The following SH3KBP1 variants were observed in gnomAD, a reference collection of about 807,000 sequenced individuals.
The protein encoded by SH3KBP1 is SH3 domain containing kinase binding protein 1, also known as SH3 domain-containing kinase-binding protein 1.
Under a neutral mutation model 50.1 loss-of-function variants are expected in SH3KBP1, and 8 were observed. That is an observed-to-expected ratio of 0.16 (90% CI 0.09 to 0.29). The LOEUF is 0.29. Ranked by LOEUF, SH3KBP1 falls within the 10% of genes least tolerant of loss-of-function variation. The pLI, the probability that SH3KBP1 is intolerant of heterozygous loss-of-function variation, is 1.00. For missense variants in SH3KBP1, 377 were observed against 535.2 expected (o/e 0.70, Z 2.92); for synonymous variants, 227 against 218.6 (o/e 1.04, Z -0.34).
intron 2 of SH3KBP1, among the ~76,000 whole-genome samples, chrX:19,770,063 G>A (rs959223519): frequency 1.8e-5 from 2 of 111,967 alleles, no homozygotes; most frequent in South Asian, 3.7e-4. Flanking sequence ...ACAGACATAC[G>A]AAAATAATGT....
intron 2 of SH3KBP1, among the ~76,000 whole-genome samples, chrX:19,821,206 C>G (rs1180259606): frequency 2.7e-5 from 3 of 111,832 alleles, no homozygotes; most frequent in African/African-American, 9.7e-5. Context: ...GCCTGGCCAT[C>G]ATGGTGAAAC....
chrX:19,685,728 C>T (rs949167367), intron 5 of SH3KBP1, among the ~76,000 whole-genome samples: 1 of 111,371 alleles, frequency 9.0e-6, no homozygotes, highest in Non-Finnish European at 1.9e-5. Flanking sequence ...CTCATTTTGC[C>T]GTATGGATTC....
At chrX:19,759,019 TAGAA>T (rs1198538714) in intron 2 of SH3KBP1, among the ~76,000 whole-genome samples, 1 of 112,287 alleles carries the variant, frequency 8.9e-6, no homozygotes, top group Non-Finnish European at 1.9e-5. Context: ...ATATTTTAAA[TAGAA>T]AAAGAAACAG....
chrX:19,559,034 G>C (rs2065581360), intron 13 of SH3KBP1, among the ~76,000 whole-genome samples: 1 of 109,629 alleles, frequency 9.1e-6, no homozygotes, highest in Admixed American at 9.7e-5. Flanking sequence ...TTGGGAGGTC[G>C]AGGCGGGTGG....
At chrX:19,875,687 G>T (rs1051457337) in intron 1 of SH3KBP1, among the ~76,000 whole-genome samples, 1 of 112,765 alleles carries the variant, frequency 8.9e-6, no homozygotes, top group African/African-American at 3.2e-5. Context: ...GGGTGGAGGT[G>T]GGAGGAGACA....
At chrX:19,778,513 C>T (rs1211774372) in intron 2 of SH3KBP1, among the ~76,000 whole-genome samples, 2 of 110,063 alleles carry the variant, frequency 1.8e-5, no homozygotes, top group Non-Finnish European at 3.8e-5. Flanking sequence ...TCCTCCTTGA[C>T]CTAAGGAGCC....
chrX:19,874,048 CAAAAAAAAA>C (rs55948760), intron 1 of SH3KBP1, among the ~76,000 whole-genome samples: 1 of 26,294 alleles, frequency 3.8e-5, no homozygotes. Context: ...GAGTCCATCT[CAAAAAAAAA>C]AAAAAAAAAA....
intron 11 of SH3KBP1, among the ~76,000 whole-genome samples, chrX:19,589,300 G>A (rs190502062): frequency 8.9e-6 from 1 of 112,266 alleles, no homozygotes; most frequent in African/African-American, 3.2e-5. Flanking sequence ...TGCTGGCATG[G>A]AGTCAGGGCT....
intron 5 of SH3KBP1, among the ~76,000 whole-genome samples, chrX:19,693,298 C>T (rs775464306): frequency 1.4e-4 from 16 of 110,370 alleles, no homozygotes; most frequent in South Asian, 3.9e-4. Context: ...CAATGGGGTG[C>T]CAATAAAGAC....
At chrX:19,869,394 G>A (rs2068979294) in intron 1 of SH3KBP1, among the ~76,000 whole-genome samples, 1 of 112,151 alleles carries the variant, frequency 8.9e-6, no homozygotes, top group African/African-American at 3.2e-5. Flanking sequence ...TGGGGTGTGG[G>A]TGGAAGTGAT....
intron 2 of SH3KBP1, among the ~76,000 whole-genome samples, chrX:19,809,449 G>A (rs764707827): frequency 2.7e-5 from 3 of 110,196 alleles, no homozygotes; most frequent in African/African-American, 6.6e-5. Context: ...ACTTGAACCC[G>A]GGAGGCGGAG....
intron 10 of SH3KBP1, among the ~76,000 whole-genome samples, chrX:19,593,509 G>A (rs778410139): frequency 5.4e-5 from 6 of 110,487 alleles, no homozygotes; most frequent in Non-Finnish European, 1.1e-4. Context: ...CAGTTCCCAC[G>A]ATCATTCAGG....
At chrX:19,544,173 C>T (rs1175815739) in intron 15 of SH3KBP1, among the ~76,000 whole-genome samples, 12 of 110,717 alleles carry the variant, frequency 1.1e-4, no homozygotes, top group Middle Eastern at 9.3e-3. Flanking sequence ...CCTCTCTGCT[C>T]GCCTTTTTTC....
intron 2 of SH3KBP1, among the ~76,000 whole-genome samples, chrX:19,800,845 A>G (rs1247331326): frequency 8.9e-6 from 1 of 112,031 alleles, no homozygotes; most frequent in Non-Finnish European, 1.9e-5. Context: ...CTTCCCCCAG[A>G]TAACAAGTTC....
rs2068488273 is a variant in SH3KBP1 at position 19,850,840 on chromosome X, C to T, written c.5-14558G>A. Among the ~76,000 whole-genome samples, 3 of 110,369 alleles carry T rather than the reference C, an allele frequency of 2.7e-5. No individual in the cohort carries two copies. The South Asian group carries it at 1.2e-3, about 44-fold the overall frequency. On this transcript the variant is annotated intron_variant, in intron 1 of 17. Coordinates refer to ENST00000397821, the MANE Select transcript of SH3KBP1 (RefSeq NM_031892.3). ...TGGTACTCCACATACCCTCACTACT[C>T]AGAGGCATCCCCCAGCCTCCCCGAG...
At chrX:19,835,598 T>G (rs1441118673) in intron 2 of SH3KBP1, among the ~76,000 whole-genome samples, 1 of 102,222 alleles carries the variant, frequency 9.8e-6, no homozygotes, top group Non-Finnish European at 2.0e-5. Flanking sequence ...TTTTTTTTTT[T>G]GAGACAGTCT....
At chrX:19,669,322 A>ATTATT (rs1569405521) in intron 6 of SH3KBP1, among the ~76,000 whole-genome samples, 2 of 98,653 alleles carry the variant, frequency 2.0e-5, no homozygotes, top group African/African-American at 8.6e-5. Context: ...TAATAATAAT[A>ATTATT]ATAATTATTA....
intron 1 of SH3KBP1, among the ~76,000 whole-genome samples, chrX:19,854,636 G>A (rs1435106721): frequency 9.0e-6 from 1 of 111,353 alleles, no homozygotes; most frequent in African/African-American, 3.3e-5. Flanking sequence ...CTCAAAGGCC[G>A]CTTCAATATG....
chrX:19,783,057 G>A (rs2066231438), intron 2 of SH3KBP1, among the ~76,000 whole-genome samples: 1 of 112,231 alleles, frequency 8.9e-6, no homozygotes, highest in Middle Eastern at 4.6e-3. Flanking sequence ...GGTCGAGGTT[G>A]CAGTGACCTG....
Sources: gnomAD v4.1 joint callset for allele counts (sites outside exome capture counted in the v4.1 genomes callset) on GRCh38, gnomAD v4.1.1 for gene constraint, MANE v1.5 for transcripts, NCBI Gene and HGNC (gene_info 2026-07-23, HGNC 2026-07-21) for gene names.